MTM1: variants seen among roughly 807,000 people sequenced by gnomAD.
MTM1 encodes the protein myotubularin.
A neutral mutation model predicts 52.1 loss-of-function variants in MTM1; 9 were observed. That is an observed-to-expected ratio of 0.17 (90% confidence interval 0.10 to 0.30). The LOEUF (loss-of-function observed/expected upper bound fraction) is 0.30. Among genes scored for constraint, MTM1 ranks in the 10% least tolerant of loss-of-function variants. MTM1 has a pLI of 1.00. For missense variants in MTM1, 277 were observed against 470.7 expected (o/e 0.59, Z 3.81); for synonymous variants, 136 against 163.8 (o/e 0.83, Z 1.29).
chrX:150,592,846 C>CTTT (rs1184716210), intron 2 of MTM1, among the ~76,000 whole-genome samples, 169 bp downstream of exon 2: 1 of 99,640 alleles, frequency 1.0e-5, no homozygotes, highest in Non-Finnish European at 2.1e-5. Context: ...TCTAGAAAAG[C>CTTT]TTTTTTTTTT....
At chrX:150,657,225 A>G (rs1330880181) in intron 10 of MTM1, among the ~76,000 whole-genome samples, 1 of 110,967 alleles carries the variant, frequency 9.0e-6, no homozygotes, top group Non-Finnish European at 1.9e-5. Flanking sequence ...AACCAACCCA[A>G]ATGTCCATCA....
intron 5 of MTM1, among the ~76,000 whole-genome samples, chrX:150,618,584 G>A (rs1356482250): frequency 1.8e-5 from 2 of 111,242 alleles, no homozygotes; most frequent in African/African-American, 6.5e-5. Flanking sequence ...AACCCAGGAG[G>A]TGGAGGTTGC....
chrX:150,626,098 G>T (rs894041373), intron 6 of MTM1, among the ~76,000 whole-genome samples: 1 of 112,263 alleles, frequency 8.9e-6, no homozygotes, highest in Non-Finnish European at 1.9e-5. Context: ...TTTTTGCCTA[G>T]CTTTGGTGAA....
At chrX:150,656,182 A>G (rs2040110455) in intron 10 of MTM1, among the ~76,000 whole-genome samples, 1 of 111,372 alleles carries the variant, frequency 9.0e-6, no homozygotes, top group African/African-American at 3.3e-5. Context: ...GCAAAAATTT[A>G]TATGTTGAAG....
chrX:150,563,827 A>G (rs1232170965), upstream of MTM1, among the ~76,000 whole-genome samples: 2 of 111,572 alleles, frequency 1.8e-5, no homozygotes, highest in African/African-American at 6.5e-5. Flanking sequence ...CAAAGGTTGC[A>G]GTGAGCCAAG....
chrX:150,604,790 C>T (rs1391804709), intron 4 of MTM1, among the ~76,000 whole-genome samples: 6 of 111,226 alleles, frequency 5.4e-5, no homozygotes, highest in African/African-American at 2.0e-4. Context: ...CTTCTCATTC[C>T]CTTACTCAGA....
chrX:150,607,286 C>A (rs1169959981), intron 4 of MTM1, among the ~76,000 whole-genome samples: 6 of 111,251 alleles, frequency 5.4e-5, no homozygotes, highest in Non-Finnish European at 7.5e-5. Flanking sequence ...CTGCACCCAG[C>A]CTTGCCCAAG....
At chrX:150,631,583 A>C (rs1321466351) in intron 6 of MTM1, among the ~76,000 whole-genome samples, 2 of 104,829 alleles carry the variant, frequency 1.9e-5, no homozygotes, top group African/African-American at 7.0e-5. Flanking sequence ...GAATTGCTTG[A>C]ACCTGGGAGG....
rs1414733649 is a variant in MTM1 at position 150,649,897 on chromosome X, T to C, written c.1049T>C (p.Ile350Thr). Residue 350 changes from isoleucine to threonine, a missense_variant, in exon 10 of 15, where the codon ATC becomes ACC. Transcript: ENST00000370396. ...GAGTCTACTCATTGGTTAGAACATA[T>C]CAAGGCAAGTATATTTTGTGAAAAT... ...SLESTHWLEH[I>T]KLVLTGAIQV... 4.2e-6 allele frequency: 5 copies of C among 1,194,209 alleles called. No individual in the cohort carries two copies. The South Asian group carries it at 5.5e-5, about 13-fold the overall frequency.
At chrX:150,610,910 G>A (rs1310956571) in intron 4 of MTM1, among the ~76,000 whole-genome samples, 1 of 111,916 alleles carries the variant, frequency 8.9e-6, no homozygotes, top group Non-Finnish European at 1.9e-5. Context: ...TCTATTCTGT[G>A]TATTTTATGT....
intron 1 of MTM1, among the ~76,000 whole-genome samples, chrX:150,583,266 TTATATATAAATTATAAA>T (rs1425141273): frequency 7.8e-5 from 5 of 63,915 alleles, no homozygotes; most frequent in South Asian, 8.6e-4. Context: ...TTTATATAAA[TTATATATAAATTATAAA>T]TATATATAAA....
At chrX:150,597,042 G>A (rs1789309201) in intron 3 of MTM1, 1 of 125,542 alleles carries the variant, frequency 8.0e-6, no homozygotes, top group African/African-American at 3.2e-5. Context: ...ATATTTTGAT[G>A]TTATTTTTCA....
At chrX:150,644,588 T>C (rs143928569) in intron 8 of MTM1, among the ~76,000 whole-genome samples, 1,229 of 111,768 alleles carry the variant, frequency 0.011, 15 homozygotes, top group African/African-American at 0.037. Flanking sequence ...TGGTGTTATG[T>C]TGAGTGAGCC....
intron 7 of MTM1, among the ~76,000 whole-genome samples, chrX:150,640,319 T>C (rs1263283456): frequency 1.8e-5 from 2 of 112,148 alleles, no homozygotes; most frequent in African/African-American, 6.5e-5. Flanking sequence ...TGAAGGTATT[T>C]TGTTCTAGAC....
intron 4 of MTM1, among the ~76,000 whole-genome samples, chrX:150,600,577 G>A (rs80055175): frequency 2.7e-5 from 3 of 111,954 alleles, no homozygotes; most frequent in African/African-American, 9.8e-5. Context: ...AACCAGGTTA[G>A]TGAAGGGACT....
At chrX:150,577,314 G>A (rs781922387) in intron 1 of MTM1, among the ~76,000 whole-genome samples, 7 of 112,043 alleles carry the variant, frequency 6.2e-5, no homozygotes, top group African/African-American at 9.7e-5. Context: ...TATTTGCTTC[G>A]TGTAAATACT....
At chrX:150,585,107 G>T (rs782354342) in intron 1 of MTM1, among the ~76,000 whole-genome samples, 1 of 109,518 alleles carries the variant, frequency 9.1e-6, no homozygotes, top group Non-Finnish European at 1.9e-5. Flanking sequence ...GTGTGTGTAT[G>T]TGTGTGTGGG....
chrX:150,569,879 C>T (rs2038336219), intron 1 of MTM1, among the ~76,000 whole-genome samples: 1 of 111,986 alleles, frequency 8.9e-6, no homozygotes, highest in African/African-American at 3.3e-5. Flanking sequence ...ATCATGTATT[C>T]ACCAGATTTG....
At chrX:150,601,755 C>T (rs1298408197) in intron 4 of MTM1, among the ~76,000 whole-genome samples, 5 of 112,250 alleles carry the variant, frequency 4.5e-5, no homozygotes, top group Non-Finnish European at 9.4e-5. Context: ...AGAGTGAGGC[C>T]GACCAGCTTA....
Sources: allele counts gnomAD v4.1 joint callset (sites outside exome capture counted in the v4.1 genomes callset), GRCh38; gene constraint gnomAD v4.1.1; transcripts MANE v1.5; gene names NCBI Gene and HGNC (gene_info 2026-07-23, HGNC 2026-07-21).